The following GCSAML variants were observed in gnomAD, a reference collection of about 807,000 sequenced individuals.
GCSAML encodes germinal center associated signaling and motility like.
GCSAML carries 9 observed loss-of-function variants against 13.0 expected under a neutral mutation model. The ratio of observed to expected loss-of-function variants is 0.69; its 90% CI spans 0.42 to 1.21. The LOEUF (loss-of-function observed/expected upper bound fraction) is 1.21. GCSAML is among the 50% of genes most tolerant of loss of function. GCSAML has a pLI of 0.00. For missense variants in GCSAML, 143 were observed against 153.4 expected (o/e 0.93, Z 0.36); for synonymous variants, 37 against 52.9 (o/e 0.70, Z 1.31).
At chr1:247,546,888 GAGACCAGCCTGGGC>G (rs1667601333), upstream of GCSAML, among the ~76,000 whole-genome samples, 1 of 150,504 alleles carries the variant, frequency 6.6e-6, no homozygotes, top group Non-Finnish European at 1.5e-5. Context: ...TCAGGAGTTT[GAGACCAGCCTGGGC>G]AACGTAACAA....
intron 2 of GCSAML, chr1:247,532,255 A>T: frequency 6.2e-7 from 1 of 1,614,176 alleles, no homozygotes; most frequent in Non-Finnish European, 8.5e-7. Context: ...TGGTCCCCAG[A>T]GGTTAGCCAG....
intron 2 of GCSAML, among the ~76,000 whole-genome samples, chr1:247,556,728 T>C (rs1273460243): frequency 6.6e-6 from 1 of 152,134 alleles, no homozygotes; most frequent in African/African-American, 2.4e-5. Flanking sequence ...ATAAAGGATG[T>C]TTGGTTTTGG....
rs1384584298 is a variant in GCSAML, at chr1:247,574,964, C to T, written c.*582C>T. ...GAGACTTTGTCTACATAACAGAGAC[C>T]TTGGTTTCCACAACCCCTTTATTTT... is the stretch of plus-strand genomic sequence containing the variant. On this transcript the variant is annotated 3_prime_UTR_variant, in exon 5 of 5. Coordinates refer to ENST00000366488, the MANE Select transcript of GCSAML (RefSeq NM_145278.5). 1 of 153,110 alleles carries T rather than the reference C, an allele frequency of 6.5e-6. No individual in the cohort carries two copies. Among genetic ancestry groups the T allele is most frequent in the Non-Finnish European group, 1.5e-5 (1 of 68,710 alleles). The allele number at this position is 153,110 out of a possible 1,614,324, so 9.5% of individuals were successfully genotyped here. A position where few individuals can be genotyped will look rare whatever the true frequency, so the allele number is the denominator to read the frequency against.
chr1:247,573,471 G>A (rs150689731), intron 4 of GCSAML, among the ~76,000 whole-genome samples: 2 of 152,240 alleles, frequency 1.3e-5, no homozygotes, highest in African/African-American at 4.8e-5. Flanking sequence ...CACTTCCTGT[G>A]TGAGGTGATG....
At position 247,577,635 on chromosome 1, in the gene GCSAML, T is replaced by C. The variant is rs1668884510; in HGVS notation, c.*3253T>C. On this transcript the variant is annotated 3_prime_UTR_variant, in exon 5 of 5. Coordinates refer to ENST00000366488, the MANE Select transcript of GCSAML (RefSeq NM_145278.5). ...CTGATGGATATGTAGGATATTTAAG[T>C]TTTTGACATTATGAATAAAGTGGCT... 6.6e-6 allele frequency: 1 copy of C among 152,192 alleles called. No individual in the cohort carries two copies. Among genetic ancestry groups the C allele is most frequent in the Non-Finnish European group, 1.5e-5 (1 of 68,024 alleles). The allele number at this position is 152,192 out of a possible 1,614,324, so 9.4% of individuals were successfully genotyped here.
chr1:247,575,638 A>G lies in GCSAML; in HGVS notation c.*1256A>G, dbSNP rs2103087032. The G allele has an allele frequency of 6.6e-6, 1 of 152,336 alleles. No individual in the cohort carries two copies. Among genetic ancestry groups the G allele is most frequent in the Non-Finnish European group, 1.5e-5 (1 of 68,032 alleles). The allele number at this position is 152,336 out of a possible 1,614,324, so 9.4% of individuals were successfully genotyped here. On this transcript the variant is annotated 3_prime_UTR_variant, in exon 5 of 5. Coordinates refer to ENST00000366488, the MANE Select transcript of GCSAML (RefSeq NM_145278.5). ...AGTGTCACAAAATAAAAAAAGATGA[A>G]ATGAAGCATATATAATTGTCAATTT...
At chr1:247,570,727 C>T (rs1358232170) in intron 4 of GCSAML, among the ~76,000 whole-genome samples, 1 of 152,114 alleles carries the variant, frequency 6.6e-6, no homozygotes, top group African/African-American at 2.4e-5. Context: ...ATTTGGTCCA[C>T]TTGGTCCAGA....
Position 247,527,924 on chromosome 1 carries a change from C to T in GCSAML, c.-148+870C>T, listed in dbSNP as rs1666747022. 6.6e-6 allele frequency: 1 copy of T among 151,848 alleles called. No individual in the cohort carries two copies. The highest frequency in any genetic ancestry group is 1.5e-5 in the Non-Finnish European group (1 of 67,960). 9.4% of individuals were successfully genotyped at this position (151,848 alleles called of 1,614,324 possible). A position where few individuals can be genotyped will look rare whatever the true frequency, so the allele number is the denominator to read the frequency against. On this transcript the variant is annotated intron_variant, in intron 2 of 5. Transcript: ENST00000366489. The surrounding 1 kb of genome is among the most constrained non-coding windows in gnomAD (Gnocchi z 4.6). ...CTATCCATTCCCAGCCTCAAGTATC[C>T]TCTGTTCTACTTATTTCTATGAGAT... is the stretch of plus-strand genomic sequence containing the variant.
chr1:247,509,738 T>G (rs1054990355), intron 1 of GCSAML, among the ~76,000 whole-genome samples: 1 of 152,240 alleles, frequency 6.6e-6, no homozygotes, highest in Non-Finnish European at 1.5e-5. Context: ...TTGAAGGCCT[T>G]TTCTACATCT....
chr1:247,559,654 A>G (rs1183225530), intron 2 of GCSAML, among the ~76,000 whole-genome samples: 1 of 152,186 alleles, frequency 6.6e-6, no homozygotes, highest in Non-Finnish European at 1.5e-5. Flanking sequence ...ATAGCGAAGT[A>G]CCATAGACTG....
chr1:247,561,245 C>T (rs1277657180), intron 2 of GCSAML, among the ~76,000 whole-genome samples: 2 of 152,272 alleles, frequency 1.3e-5, no homozygotes, highest in Admixed American at 6.5e-5. Flanking sequence ...TGAGCCACCA[C>T]ACCTGGCCTA....
chr1:247,510,304 T>C (rs1233273573), intron 1 of GCSAML, among the ~76,000 whole-genome samples: 2 of 152,230 alleles, frequency 1.3e-5, no homozygotes, highest in African/African-American at 4.8e-5. Context: ...GTGTTTATAC[T>C]ATTCTCTGAT....
chr1:247,566,956 T>C (rs1668398035), intron 4 of GCSAML, among the ~76,000 whole-genome samples: 1 of 151,876 alleles, frequency 6.6e-6, no homozygotes, highest in South Asian at 2.1e-4. Context: ...AACGAAAGTA[T>C]AGAAGTGCTT....
intron 1 of GCSAML, among the ~76,000 whole-genome samples, chr1:247,510,886 T>C (rs945714649): frequency 1.3e-5 from 2 of 152,220 alleles, no homozygotes; most frequent in African/African-American, 4.8e-5. Flanking sequence ...TTCTGTTCTT[T>C]TGCATTTGCT....
chr1:247,530,368 G>C (rs1324721230), intron 2 of GCSAML: 1 of 152,018 alleles, frequency 6.6e-6, no homozygotes, highest in Non-Finnish European at 1.5e-5. Flanking sequence ...TTGTCCTTTA[G>C]ATACACTGTA....
chr1:247,563,570 T>C lies in GCSAML; in HGVS notation c.90-20T>C. The C allele has an allele frequency of 1.3e-6, 2 of 1,524,636 alleles. No individual in the cohort carries two copies. Among genetic ancestry groups the C allele is most frequent in the Non-Finnish European group, 1.8e-6 (2 of 1,102,888 alleles). 94.4% of individuals were successfully genotyped at this position (1,524,636 alleles called of 1,614,324 possible). On this transcript the variant is annotated intron_variant, in intron 2 of 4. Coordinates refer to ENST00000366488, the MANE Select transcript of GCSAML (RefSeq NM_145278.5). ...TTGGAGAACCTGGAGTATCTCATGT[T>C]ACTATCTCTTTCCTTGTAGGCAGGA...
At chr1:247,509,061 G>C (rs1000622063) in intron 1 of GCSAML, among the ~76,000 whole-genome samples, 1 of 152,102 alleles carries the variant, frequency 6.6e-6, no homozygotes, top group Admixed American at 6.6e-5. Context: ...TAGTTTAATG[G>C]GAATAGCATT....
intron 1 of GCSAML, among the ~76,000 whole-genome samples, chr1:247,510,972 TG>T (rs780467352): frequency 3.8e-4 from 58 of 152,350 alleles, no homozygotes; most frequent in Admixed American, 7.8e-4. Context: ...ATGTATATTC[TG>T]TTGATCTGGG....
rs970812703 is a variant in GCSAML, at chr1:247,552,617, C to A, written c.29+3397C>A. Among the ~76,000 whole-genome samples the A allele has an allele frequency of 1.4e-4, 22 of 152,304 alleles. 1 individual carries two copies. Among genetic ancestry groups the A allele is most frequent in the African/African-American group, 5.1e-4 (21 of 41,578 alleles). Reference sequence around the variant, plus strand: ...CAAAATTGATTTAGTTCTTTGAAGACTTTATCCTCCCATATAAATTTGTAC... The same window carrying A: ...CAAAATTGATTTAGTTCTTTGAAGAATTTATCCTCCCATATAAATTTGTAC... On this transcript the variant is annotated intron_variant, in intron 1 of 4. Transcript: ENST00000366488.
Sources: gnomAD v4.1 joint callset for allele counts (sites outside exome capture counted in the v4.1 genomes callset) on GRCh38, gnomAD v4.1.1 for gene constraint, Gnocchi (gnomAD v3.1) non-coding constraint, MANE v1.5 for transcripts, NCBI Gene and HGNC (gene_info 2026-07-23, HGNC 2026-07-21) for gene names.